The following TIA1 variants were observed in gnomAD, a reference collection of about 807,000 sequenced individuals.
TIA1 encodes the protein TIA1 cytotoxic granule associated RNA binding protein, also known as cytotoxic granule associated RNA binding protein TIA1.
TIA1 carries 23 observed loss-of-function variants against 65.9 expected under a neutral mutation model. The observed-to-expected ratio is 0.35, with a 90% CI of 0.25 to 0.49. The LOEUF (loss-of-function observed/expected upper bound fraction) is 0.49. Ranked by LOEUF, TIA1 falls within the 20% of genes least tolerant of loss-of-function variation. The probability of loss-of-function intolerance (pLI) is 0.98; values close to 1 mark genes in which losing one functional copy is unlikely to be tolerated. For synonymous variants in TIA1, 147 were observed against 149.4 expected (o/e 0.98, Z 0.12); for missense variants, 371 against 477.9 (o/e 0.78, Z 2.09).
chr2:70,223,133 AG>A (rs1428198015), intron 7 of TIA1, among the ~76,000 whole-genome samples: 1 of 152,204 alleles, frequency 6.6e-6, no homozygotes, highest in Non-Finnish European at 1.5e-5. Context: ...ATGAGTTCCT[AG>A]CCCATCAAAC....
intron 2 of TIA1, among the ~76,000 whole-genome samples, chr2:70,233,265 A>C (rs997648301): frequency 4.6e-5 from 7 of 152,188 alleles, no homozygotes; most frequent in African/African-American, 1.4e-4. Flanking sequence ...GTCACTGTGC[A>C]CATCAACAAT....
Position 70,230,753 on chromosome 2 carries a change from T to A in TIA1, c.222+3A>T. On this transcript the variant is annotated splice_donor_region_variant and intron_variant, in intron 3 of 12. Transcript: ENST00000433529. ...GTCACCTTCTTTAATTACGACAGCTTACCTTACCCATTATCTTCCGTCCAT... is the reference window on the plus strand; with the variant it reads ...GTCACCTTCTTTAATTACGACAGCTAACCTTACCCATTATCTTCCGTCCAT... 6.3e-7 allele frequency: 1 copy of A among 1,588,608 alleles called. No homozygotes were observed. Among genetic ancestry groups the A allele is most frequent in the Non-Finnish European group, 8.5e-7 (1 of 1,171,014 alleles).
At chr2:70,222,845 T>TG (rs1249435425) in intron 7 of TIA1, among the ~76,000 whole-genome samples, 1 of 152,082 alleles carries the variant, frequency 6.6e-6, no homozygotes. Context: ...ACCCAGGAGA[T>TG]GGAGGTTGCA....
At chr2:70,218,513 G>A (rs904870547) in intron 7 of TIA1, among the ~76,000 whole-genome samples, 1 of 152,136 alleles carries the variant, frequency 6.6e-6, no homozygotes, top group Non-Finnish European at 1.5e-5. Flanking sequence ...CTCACTGCAA[G>A]CTCCGCCTCC....
intron 2 of TIA1, among the ~76,000 whole-genome samples, chr2:70,232,315 C>CTCCT: frequency 6.6e-6 from 1 of 151,058 alleles, no homozygotes; most frequent in Admixed American, 6.6e-5. Flanking sequence ...CCAAGGTGGG[C>CTCCT]TGATCACCTG....
At chr2:70,218,231 T>G (rs569788924) in intron 7 of TIA1, among the ~76,000 whole-genome samples, 1 of 152,174 alleles carries the variant, frequency 6.6e-6, no homozygotes, top group South Asian at 2.1e-4. Context: ...CAATAGGAGA[T>G]AGCCAAGTCA....
chr2:70,235,952 G>T, intron 2 of TIA1, 127 bp downstream of exon 2: 1 of 507,976 alleles, frequency 2.0e-6, no homozygotes, highest in Non-Finnish European at 3.4e-6. Context: ...ACTATATTTA[G>T]ACTACAGTAA....
chr2:70,244,834 C>CA (rs70956958), intron 1 of TIA1, among the ~76,000 whole-genome samples: 15,700 of 53,244 alleles, frequency 0.29, 3,296 homozygotes, highest in Non-Finnish European at 0.33. Context: ...GACTCTGTCT[C>CA]AAAAAAAAAA....
chr2:70,212,969 A>G (rs1407941847), intron 12 of TIA1, 124 bp from the exon 13 acceptor site: 1 of 668,276 alleles, frequency 1.5e-6, no homozygotes, highest in Non-Finnish European at 2.7e-6. Flanking sequence ...TTAATCCCAA[A>G]TAGAATAATT....
intron 7 of TIA1, among the ~76,000 whole-genome samples, chr2:70,223,815 T>C (rs1226443965): frequency 6.6e-6 from 1 of 152,166 alleles, no homozygotes; most frequent in Non-Finnish European, 1.5e-5. Context: ...CCAGTATTTA[T>C]CTCAAACTTC....
At position 70,244,865 on chromosome 2, in the gene TIA1, C is replaced by T. The variant is rs528027855; in HGVS notation, c.26+3540G>A. Among the ~76,000 whole-genome samples, 92 of 145,490 alleles carry T rather than the reference C, an allele frequency of 6.3e-4. 1 individual carries two copies. Among genetic ancestry groups the T allele is most frequent in the African/African-American group, 2.3e-3 (89 of 39,360 alleles). ...AAAAAAAAAAAAAAAAAAGATAGGT[C>T]TGATTCTCAATACAAGAGATTTTAT... On this transcript the variant is annotated intron_variant, in intron 1 of 12. Coordinates refer to ENST00000433529, the MANE Select transcript of TIA1 (RefSeq NM_022173.4).
chr2:70,243,226 G>A (rs60039181), intron 1 of TIA1, among the ~76,000 whole-genome samples: 12,798 of 152,186 alleles, frequency 0.084, 568 homozygotes, highest in East Asian at 0.18. Flanking sequence ...AGGAGTTGGA[G>A]ACCAGCCTGG....
intron 8 of TIA1, 190 bp downstream of exon 8, chr2:70,216,691 TAATAG>T (rs1239414414): frequency 1.4e-6 from 2 of 1,465,946 alleles, no homozygotes; most frequent in Non-Finnish European, 9.0e-7. Context: ...ATTTTCTATT[TAATAG>T]GAGACTTGAC....
intron 1 of TIA1, among the ~76,000 whole-genome samples, chr2:70,244,834 C>CAAAAAA (rs70956958): frequency 2.1e-4 from 11 of 53,456 alleles, no homozygotes; most frequent in African/African-American, 6.2e-4. Flanking sequence ...GACTCTGTCT[C>CAAAAAA]AAAAAAAAAA....
At chr2:70,213,055 A>G (rs1201816771) in intron 12 of TIA1, among the ~76,000 whole-genome samples, 1 of 152,234 alleles carries the variant, frequency 6.6e-6, no homozygotes, top group East Asian at 1.9e-4. Context: ...TTTAATTTGG[A>G]CAGTTTAATT....
intron 7 of TIA1, among the ~76,000 whole-genome samples, chr2:70,218,441 C>CTT (rs1235549625): frequency 6.6e-6 from 1 of 152,062 alleles, no homozygotes; most frequent in Admixed American, 6.6e-5. Context: ...GAAGGCCATT[C>CTT]TTTTTTTCGA....
rs1453661692 is a variant in TIA1 at position 70,214,454 on chromosome 2, C to T, written c.929G>A (p.Gly310Asp). The change falls in exon 12 of 13, where the codon GGC (glycine) becomes GAC (aspartate). Residue 310 changes from glycine (G) to aspartate (D), a missense_variant. Transcript: ENST00000433529. Reference protein sequence around the residue: ...IGYPQPYGQWGQWYGNAQQIG... With the variant: ...IGYPQPYGQWDQWYGNAQQIG... ...TTGTTGTGCATTTCCATACCACTGGCCCCACTGGCCATAAGGTTGGGGATA... is the reference window on the plus strand; with the variant it reads ...TTGTTGTGCATTTCCATACCACTGGTCCCACTGGCCATAAGGTTGGGGATA... 1 of 1,613,712 alleles carries T rather than the reference C, an allele frequency of 6.2e-7. No individual in the cohort carries two copies. Among genetic ancestry groups the T allele is most frequent in the South Asian group, 1.1e-5 (1 of 90,966 alleles).
intron 7 of TIA1, 93 bp from the exon 8 acceptor site, chr2:70,217,087 A>G (rs1678919103): frequency 2.3e-6 from 3 of 1,305,862 alleles, no homozygotes; most frequent in Non-Finnish European, 3.1e-6. Flanking sequence ...GCTTTTCACA[A>G]ATGTTTAAGT....
chr2:70,244,239 T>C (rs895088126), intron 1 of TIA1, among the ~76,000 whole-genome samples: 37 of 152,272 alleles, frequency 2.4e-4, no homozygotes, highest in African/African-American at 8.9e-4. Context: ...ATGTCACTTA[T>C]CAAAGGATGA....
Sources: allele counts gnomAD v4.1 joint callset (sites outside exome capture counted in the v4.1 genomes callset), GRCh38; gene constraint gnomAD v4.1.1; transcripts MANE v1.5; gene names NCBI Gene and HGNC (gene_info 2026-07-23, HGNC 2026-07-21).